Variants in ARHGEF16 observed in about 807,000 individuals in gnomAD.
ARHGEF16 encodes the protein Rho guanine nucleotide exchange factor 16.
A neutral mutation model predicts 74.1 loss-of-function variants in ARHGEF16; 59 were observed. The observed-to-expected ratio is 0.80, with a 90% CI of 0.65 to 0.99. The LOEUF (loss-of-function observed/expected upper bound fraction) is 0.99, where lower values mean the gene tolerates loss of function less well. Among genes scored for constraint, ARHGEF16 ranks in the 50% least tolerant of loss-of-function variants. The pLI is 0.00. For synonymous variants in ARHGEF16, 415 were observed against 412.6 expected (o/e 1.01, Z -0.07); for missense variants, 948 against 986.6 (o/e 0.96, Z 0.52).
rs758500238 is a variant in ARHGEF16 at position 3,479,898 on chromosome 1, C to T, written c.1975C>T (p.Leu659=). The change falls in exon 14 of 15, where the codon CTG becomes TTG. Residue 659 remains leucine, a synonymous_variant. Coordinates refer to ENST00000378378, the MANE Select transcript of ARHGEF16 (RefSeq NM_014448.4). ...TLQQADVVLV[L]QQEDGWLYGE... ...GCAGCAGGCGGACGTGGTCCTGGTT[C>T]TGCAGCAGGAGGATGGTGAGTGCAG... The T allele has an allele frequency of 3.1e-6, 5 of 1,612,112 alleles. No homozygotes were observed. Among genetic ancestry groups the T allele is most frequent in the Non-Finnish European group, 4.2e-6 (5 of 1,179,898 alleles).
Position 3,463,512 on chromosome 1 carries a change from G to C in ARHGEF16, c.428G>C (p.Gly143Ala). 1 of 1,486,824 alleles carries C rather than the reference G, an allele frequency of 6.7e-7. No homozygotes were observed. Among genetic ancestry groups the C allele is most frequent in the Non-Finnish European group, 9.0e-7 (1 of 1,115,582 alleles). The allele number at this position is 1,486,824 out of a possible 1,614,324, so 92.1% of individuals were successfully genotyped here. A position where few individuals can be genotyped will look rare whatever the true frequency, so the allele number is the denominator to read the frequency against. Residue 143 changes from glycine to alanine, a missense_variant, in exon 2 of 15, where the codon GGC becomes GCC. Physicochemically the swap from Gly to Ala is moderately conservative, Grantham distance 60. Coordinates refer to ENST00000378378, the MANE Select transcript of ARHGEF16 (RefSeq NM_014448.4). Reference protein sequence around the residue: ...DDMDVDKDPGGMLRRNLRNQS... With the variant: ...DDMDVDKDPGAMLRRNLRNQS... ...ATGGACGTGGACAAGGACCCCGGGG[G>C]CATGCTGAGGCGGAACCTGCGGAAC...
chr1:3,478,156 C>T (rs944080623), intron 11 of ARHGEF16, 130 bp downstream of exon 11: 29 of 1,304,322 alleles, frequency 2.2e-5, no homozygotes, highest in African/African-American at 1.0e-4. Flanking sequence ...GGCTTCCACT[C>T]GGCACATGCT....
At chr1:3,470,600 G>GGTGTGTGTGAGTGGGTGT (rs1639683663) in intron 6 of ARHGEF16, among the ~76,000 whole-genome samples, 1 of 143,028 alleles carries the variant, frequency 7.0e-6, no homozygotes, top group Non-Finnish European at 1.5e-5. Flanking sequence ...TTTTCGGTCA[G>GGTGTGTGTGAGTGGGTGT]GTGTGTGTGA....
chr1:3,471,868 G>T, intron 6 of ARHGEF16: 1 of 1,028,604 alleles, frequency 9.7e-7, no homozygotes, highest in Non-Finnish European at 1.2e-6. Flanking sequence ...GACCGGCCTG[G>T]CCGGCCTGGG....
intron 6 of ARHGEF16, chr1:3,472,762 G>T: frequency 3.8e-5 from 11 of 292,342 alleles, no homozygotes; most frequent in Non-Finnish European, 5.7e-5. Context: ...AGGTCCAAAT[G>T]GGCCCGCCTT....
rs199607431 is a variant in ARHGEF16, at chr1:3,469,455, C to T, written c.884C>T (p.Ser295Leu). ...RQEAMFEILTSEFSYQHSLSI... is the reference protein window; with the variant it reads ...RQEAMFEILTLEFSYQHSLSI... Reference sequence around the variant, plus strand: ...CAGGCCATGTTCGAGATCCTCACGTCGGAGTTCTCCTACCAGCACAGCCTG... The same window carrying T: ...CAGGCCATGTTCGAGATCCTCACGTTGGAGTTCTCCTACCAGCACAGCCTG... The change falls in exon 6 of 15, where the codon TCG becomes TTG. Residue 295 changes from serine (S) to leucine (L), a missense_variant. Ser to Leu is a moderately radical substitution (Grantham distance 145). Transcript: ENST00000378378. 4.2e-5 allele frequency: 68 copies of T among 1,612,902 alleles called. No homozygotes were observed. Among genetic ancestry groups the T allele is most frequent in the Non-Finnish European group, 5.5e-5 (65 of 1,179,992 alleles).
chr1:3,467,649 G>C (rs1391352684), intron 4 of ARHGEF16, among the ~76,000 whole-genome samples: 7 of 152,214 alleles, frequency 4.6e-5, no homozygotes. Flanking sequence ...CCCCAGGAGA[G>C]GGCTGAATGA....
intron 4 of ARHGEF16, 80 bp downstream of exon 4, chr1:3,467,417 C>T: frequency 6.9e-7 from 1 of 1,441,490 alleles, no homozygotes; most frequent in Non-Finnish European, 9.2e-7. Flanking sequence ...TCCCCAAGCC[C>T]AGGCGGCTGG....
intron 1 of ARHGEF16, among the ~76,000 whole-genome samples, chr1:3,459,622 G>A (rs1639346820): frequency 6.6e-6 from 1 of 152,120 alleles, no homozygotes; most frequent in Non-Finnish European, 1.5e-5. Context: ...GGGAGGACGG[G>A]GGGTGTCTGG....
At chr1:3,467,103 GT>G in intron 3 of ARHGEF16, 64 bp from the exon 4 acceptor site, 1 of 1,484,686 alleles carries the variant, frequency 6.7e-7, no homozygotes. Flanking sequence ...CAGCTGGCGG[GT>G]TGCAGGGAGG....
chr1:3,465,448 G>C (rs913589011), intron 2 of ARHGEF16, among the ~76,000 whole-genome samples: 2 of 152,126 alleles, frequency 1.3e-5, no homozygotes, highest in Admixed American at 1.3e-4. Flanking sequence ...GAGGCCGAAG[G>C]GGGGCTGGGG....
chr1:3,470,871 GGGGTGTATGTGCGT>G (rs1382345125), intron 6 of ARHGEF16, among the ~76,000 whole-genome samples: 1 of 139,762 alleles, frequency 7.2e-6, no homozygotes, highest in Non-Finnish European at 1.6e-5. Context: ...TGCGTGGGCA[GGGGTGTATGTGCGT>G]GGGTGTGTGT....
chr1:3,467,460 G>C, intron 4 of ARHGEF16, 123 bp downstream of exon 4: 1 of 1,210,198 alleles, frequency 8.3e-7, no homozygotes, highest in Non-Finnish European at 1.1e-6. Flanking sequence ...CCCAGGGAGG[G>C]TGGGCAGCCT....
In ARHGEF16 at chr1:3,478,411, CG is replaced by C; in HGVS notation, c.1626-12del. On this transcript the variant is annotated splice_polypyrimidine_tract_variant and intron_variant, in intron 11 of 14. Transcript: ENST00000378378. ...GGGTGGGACCGTCCCACCGACTGCC[CG>C]TGTCTCCACAGCGAGGAGAGCTACA... 6.3e-7 allele frequency: 1 copy of C among 1,581,014 alleles called. No individual in the cohort carries two copies. The highest frequency in any genetic ancestry group is 8.6e-7 in the Non-Finnish European group (1 of 1,158,274).
chr1:3,470,109 G>A (rs1639665088), intron 6 of ARHGEF16, among the ~76,000 whole-genome samples: 1 of 151,914 alleles, frequency 6.6e-6, no homozygotes, highest in South Asian at 2.1e-4. Context: ...GGTGGGGTGT[G>A]TGTGCGTGGG....
chr1:3,463,504 C>T lies in ARHGEF16; in HGVS notation c.420C>T (p.Asp140=). The T allele has an allele frequency of 3.3e-6, 5 of 1,495,276 alleles. No homozygotes were observed. The highest frequency in any genetic ancestry group is 4.5e-6 in the Non-Finnish European group (5 of 1,119,434). The allele number at this position is 1,495,276 out of a possible 1,614,324, so 92.6% of individuals were successfully genotyped here. The change falls in exon 2 of 15, where the codon GAC becomes GAT. Residue 140 remains aspartate, a synonymous_variant. Transcript: ENST00000378378. ...TGGATGACATGGACGTGGACAAGGACCCCGGGGGCATGCTGAGGCGGAACC... is the reference window on the plus strand; with the variant it reads ...TGGATGACATGGACGTGGACAAGGATCCCGGGGGCATGCTGAGGCGGAACC... ...FSLDDMDVDK[D]PGGMLRRNLR... is the part of the protein sequence containing the mutation.
At chr1:3,461,733 G>A (rs576756975) in intron 1 of ARHGEF16, among the ~76,000 whole-genome samples, 147 of 152,336 alleles carry the variant, frequency 9.6e-4, no homozygotes, top group African/African-American at 3.4e-3. Flanking sequence ...CTCTGGGCCC[G>A]GCTCCTGGAG....
chr1:3,467,455 G>A (rs948317931), intron 4 of ARHGEF16, 118 bp downstream of exon 4: 2 of 1,269,626 alleles, frequency 1.6e-6, no homozygotes, highest in East Asian at 5.1e-5. Context: ...GTCCTCCCAG[G>A]GAGGGTGGGC....
chr1:3,457,526 G>A (rs747482125), intron 1 of ARHGEF16, among the ~76,000 whole-genome samples: 32 of 152,356 alleles, frequency 2.1e-4, no homozygotes, highest in Middle Eastern at 3.4e-3. Context: ...CTGGAGGCAC[G>A]GGGCTGGCGC....
Sources: gnomAD v4.1 joint callset for allele counts (sites outside exome capture counted in the v4.1 genomes callset) on GRCh38, gnomAD v4.1.1 for gene constraint, MANE v1.5 for transcripts, NCBI Gene and HGNC (gene_info 2026-07-23, HGNC 2026-07-21) for gene names.